PREP: variants seen among roughly 807,000 people sequenced by gnomAD.
PREP encodes the protein dJ355L5.1 (prolyl endopeptidase).
A neutral mutation model predicts 87.6 loss-of-function variants in PREP; 29 were observed. The observed-to-expected ratio is 0.33, with a 90% CI of 0.25 to 0.45. PREP has a LOEUF of 0.45. PREP is among the 20% of genes least tolerant of loss of function. The probability of loss-of-function intolerance (pLI) is 1.00; values close to 1 mark genes in which losing one functional copy is unlikely to be tolerated. For synonymous variants in PREP, 337 were observed against 328.6 expected (o/e 1.03, Z -0.28); for missense variants, 695 against 886.5 (o/e 0.78, Z 2.74).
chr6:105,367,203 C>G (rs1440987265), intron 6 of PREP, among the ~76,000 whole-genome samples: 1 of 152,088 alleles, frequency 6.6e-6, no homozygotes, highest in Non-Finnish European at 1.5e-5. Context: ...CTATTTCACT[C>G]AGATGAAGGT....
chr6:105,359,610 T>C (rs1215806584), intron 6 of PREP, among the ~76,000 whole-genome samples: 1 of 152,204 alleles, frequency 6.6e-6, no homozygotes, highest in African/African-American at 2.4e-5. Context: ...CCTCTAGGGC[T>C]GAAGCCCTCA....
At chr6:105,382,276 C>CACACACACACAT (rs1188046495) in intron 2 of PREP, among the ~76,000 whole-genome samples, 6 of 85,848 alleles carry the variant, frequency 7.0e-5, no homozygotes, top group African/African-American at 1.2e-4. Flanking sequence ...TCTCAACACA[C>CACACACACACAT]ACACACACAC....
intron 8 of PREP, among the ~76,000 whole-genome samples, chr6:105,330,980 G>C (rs566807701): frequency 6.6e-6 from 1 of 152,246 alleles, no homozygotes; most frequent in South Asian, 2.1e-4. Context: ...AAGTATGGGG[G>C]AAAAATGAAG....
intron 7 of PREP, among the ~76,000 whole-genome samples, chr6:105,343,728 C>T (rs1234689241): frequency 6.6e-6 from 1 of 152,198 alleles, no homozygotes; most frequent in Non-Finnish European, 1.5e-5. Flanking sequence ...ACAGACACTT[C>T]TCAAAAGAAG....
intron 10 of PREP, among the ~76,000 whole-genome samples, chr6:105,293,319 G>A (rs11969777): frequency 0.033 from 4,959 of 152,186 alleles, 255 homozygotes; most frequent in African/African-American, 0.11. Flanking sequence ...GAGAGGGAGT[G>A]AGACAGGAAA....
rs1006970453 is a variant in PREP, at chr6:105,275,211, A to C, written c.*2933T>G. Among the ~76,000 whole-genome samples, 1 of 152,170 alleles carries C rather than the reference A, an allele frequency of 6.6e-6. No individual in the cohort carries two copies. Among genetic ancestry groups the C allele is most frequent in the African/African-American group, 2.4e-5 (1 of 41,448 alleles). ...TTGCAACTCCTTCTGGGCATTAGCT[A>C]TGTGGCCTGCTGGGAACTTCCAGAG... On this transcript the variant is annotated 3_prime_UTR_variant, in exon 15 of 15. Coordinates refer to ENST00000652536, the MANE Select transcript of PREP (RefSeq NM_002726.5).
At chr6:105,370,734 A>C (rs1327728925) in intron 5 of PREP, among the ~76,000 whole-genome samples, 2 of 152,224 alleles carry the variant, frequency 1.3e-5, no homozygotes, top group South Asian at 2.1e-4. Flanking sequence ...AGGGAACTTA[A>C]ATGTATTATC....
chr6:105,284,009 AC>A, intron 12 of PREP, among the ~76,000 whole-genome samples: 1 of 152,310 alleles, frequency 6.6e-6, no homozygotes, highest in Middle Eastern at 3.4e-3. Context: ...TAAACTACAT[AC>A]AATTTAAATA....
At chr6:105,296,195 T>G (rs1273366349) in intron 10 of PREP, among the ~76,000 whole-genome samples, 1 of 152,238 alleles carries the variant, frequency 6.6e-6, no homozygotes, top group Admixed American at 6.5e-5. Flanking sequence ...CACTGCCATT[T>G]CCTTACTGTA....
intron 11 of PREP, among the ~76,000 whole-genome samples, chr6:105,286,507 C>T (rs751594497): frequency 4.9e-4 from 74 of 152,042 alleles, no homozygotes; most frequent in Non-Finnish European, 7.8e-4. Flanking sequence ...ATTTTGTTTC[C>T]CCCTTCTCTT....
intron 7 of PREP, among the ~76,000 whole-genome samples, chr6:105,340,141 A>T (rs1354618543): frequency 6.6e-6 from 1 of 152,192 alleles, no homozygotes; most frequent in African/African-American, 2.4e-5. Flanking sequence ...GCAGCCAGAG[A>T]GAAAGGTCGG....
intron 2 of PREP, among the ~76,000 whole-genome samples, chr6:105,389,891 AAAGC>A (rs952327252): frequency 2.6e-5 from 4 of 152,194 alleles, no homozygotes; most frequent in Non-Finnish European, 5.9e-5. Flanking sequence ...ACCAAAAACA[AAAGC>A]AAGCAAGCAA....
intron 5 of PREP, among the ~76,000 whole-genome samples, chr6:105,370,356 C>T (rs1772503661): frequency 6.6e-6 from 1 of 150,568 alleles, no homozygotes; most frequent in South Asian, 2.1e-4. Flanking sequence ...GTAAGAATGG[C>T]CAGAATTCAG....
chr6:105,365,902 T>A (rs1772370221), intron 6 of PREP, among the ~76,000 whole-genome samples: 1 of 151,498 alleles, frequency 6.6e-6, no homozygotes, highest in Admixed American at 6.6e-5. Context: ...TTAAACAACT[T>A]CATTTATTAC....
At position 105,276,383 on chromosome 6, in the gene PREP, G is replaced by GAAAGT. The variant is rs1381727705; in HGVS notation, c.*1756_*1760dup. 6.6e-6 allele frequency among the ~76,000 whole-genome samples: 1 copy of GAAAGT among 152,238 alleles called. No individual in the cohort carries two copies. The highest frequency in any genetic ancestry group is 1.5e-5 in the Non-Finnish European group (1 of 68,042). On this transcript the variant is annotated 3_prime_UTR_variant, in exon 15 of 15. Coordinates refer to ENST00000652536, the MANE Select transcript of PREP (RefSeq NM_002726.5). Reference sequence around the variant, plus strand: ...ATTTTCTGCTGTAAAGCAGACCTCAGAAAGTATGGTTAGATTCTGTGCAAC... The same window carrying GAAAGT: ...ATTTTCTGCTGTAAAGCAGACCTCAGAAAGTAAAGTATGGTTAGATTCTGTGCAAC...
chr6:105,375,376 C>T lies in PREP; in HGVS notation c.385+749G>A, dbSNP rs561721007. Among the ~76,000 whole-genome samples, 11 of 152,274 alleles carry T rather than the reference C, an allele frequency of 7.2e-5. No individual in the cohort carries two copies. The South Asian group carries it at 1.2e-3, about 17-fold the overall frequency. On this transcript the variant is annotated intron_variant, in intron 4 of 14. Coordinates refer to ENST00000652536, the MANE Select transcript of PREP (RefSeq NM_002726.5). The stretch of plus-strand genomic sequence containing the variant: ...TACTACAGGAGAAATGCTGAGCCAA[C>T]GTCATCTATAACATCATTATCATTG...
chr6:105,313,792 T>C (rs986303657), intron 10 of PREP, among the ~76,000 whole-genome samples: 1 of 152,228 alleles, frequency 6.6e-6, no homozygotes, highest in African/African-American at 2.4e-5. Flanking sequence ...GGTGCCAGCG[T>C]TGGCATGAAT....
intron 7 of PREP, among the ~76,000 whole-genome samples, chr6:105,348,227 T>G (rs935886960): frequency 2.0e-5 from 3 of 152,206 alleles, no homozygotes; most frequent in Admixed American, 6.5e-5. Context: ...TCATTCTCAG[T>G]GCTTAATAAA....
intron 2 of PREP, among the ~76,000 whole-genome samples, chr6:105,382,391 G>A (rs906189044): frequency 2.6e-5 from 4 of 151,288 alleles, no homozygotes; most frequent in South Asian, 2.1e-4. Flanking sequence ...TCAAAATGAC[G>A]TGCTACACAC....
Sources: gnomAD v4.1 joint callset for allele counts (sites outside exome capture counted in the v4.1 genomes callset) on GRCh38, gnomAD v4.1.1 for gene constraint, MANE v1.5 for transcripts, NCBI Gene and HGNC (gene_info 2026-07-23, HGNC 2026-07-21) for gene names.